NRXN1: variants seen among roughly 807,000 people sequenced by gnomAD.
NRXN1 encodes the protein neurexin-1.
In NRXN1, 39 loss-of-function variants were observed where a neutral mutation model predicts 150.9. The observed-to-expected ratio is 0.26, with a 90% CI of 0.20 to 0.34. The LOEUF (loss-of-function observed/expected upper bound fraction) is 0.34, where lower values mean the gene tolerates loss of function less well. Among genes scored for constraint, NRXN1 ranks in the 10% least tolerant of loss-of-function variants. The probability of loss-of-function intolerance (pLI) is 1.00; values close to 1 mark genes in which losing one functional copy is unlikely to be tolerated. For missense variants in NRXN1, 1,815 were observed against 1,949.9 expected (o/e 0.93, Z 1.30); for synonymous variants, 924 against 757.0 (o/e 1.22, Z -3.62).
At chr2:50,749,579 T>A (rs1027202291) in intron 5 of NRXN1, among the ~76,000 whole-genome samples, 2 of 152,054 alleles carry the variant, frequency 1.3e-5, no homozygotes, top group African/African-American at 4.8e-5. Context: ...GCATCAAATA[T>A]AATGGAGAAC....
At chr2:51,031,656 G>A (rs2105358177) in intron 1 of NRXN1, among the ~76,000 whole-genome samples, 1 of 152,248 alleles carries the variant, frequency 6.6e-6, no homozygotes, top group South Asian at 2.1e-4. Context: ...TGGGCACAGT[G>A]TGGGGCTGAT....
intron 5 of NRXN1, among the ~76,000 whole-genome samples, chr2:50,813,884 C>T (rs1223870984): frequency 6.6e-6 from 1 of 152,234 alleles, no homozygotes; most frequent in South Asian, 2.1e-4. Flanking sequence ...ATTATTATGA[C>T]TTTAACAATA....
At chr2:50,653,670 C>A (rs1685962276) in intron 5 of NRXN1, among the ~76,000 whole-genome samples, 1 of 151,970 alleles carries the variant, frequency 6.6e-6, no homozygotes, top group South Asian at 2.1e-4. Flanking sequence ...TTCAAATGTA[C>A]CTTGATTTAA....
intron 8 of NRXN1, among the ~76,000 whole-genome samples, chr2:50,567,211 G>C (rs191331761): frequency 1.6e-3 from 249 of 152,278 alleles, no homozygotes; most frequent in African/African-American, 5.9e-3. Context: ...GATTTTCTAA[G>C]TTGCCTTGTA....
At position 50,474,229 on chromosome 2, in the gene NRXN1, GAGAA is replaced by G. The variant is rs571339382; in HGVS notation, c.3071-1762_3071-1759del. ...AGGCCATTGTGTTTTAGTTGCCTCAGAGAAAGGATATGAATCAGAAATCAAAGAT... is the reference window on the plus strand; with the variant it reads ...AGGCCATTGTGTTTTAGTTGCCTCAGAGGATATGAATCAGAAATCAAAGAT... On this transcript the variant is annotated intron_variant, in intron 15 of 22. Transcript: ENST00000401669. 2.8e-4 allele frequency among the ~76,000 whole-genome samples: 42 copies of G among 151,936 alleles called. No individual in the cohort carries two copies. In the Middle Eastern group the frequency reaches 0.031, roughly 111 times the overall value.
intron 8 of NRXN1, among the ~76,000 whole-genome samples, chr2:50,609,269 G>A (rs1677636351): frequency 6.6e-6 from 1 of 152,090 alleles, no homozygotes; most frequent in East Asian, 1.9e-4. Flanking sequence ...AGGGGTCAGT[G>A]TAAAATGAAA....
At chr2:50,518,404 G>A (rs2105099978) in intron 12 of NRXN1, among the ~76,000 whole-genome samples, 1 of 151,764 alleles carries the variant, frequency 6.6e-6, no homozygotes, top group East Asian at 1.9e-4. Context: ...GTACTAAATA[G>A]TTCAATTTGC....
intron 8 of NRXN1, among the ~76,000 whole-genome samples, chr2:50,613,571 C>A (rs1678540484): frequency 6.6e-6 from 1 of 152,194 alleles, no homozygotes; most frequent in Admixed American, 6.5e-5. Context: ...TGCATGAGTA[C>A]TTGAGTGAAG....
chr2:49,939,759 C>T (rs1019714358), intron 22 of NRXN1, among the ~76,000 whole-genome samples: 2 of 152,062 alleles, frequency 1.3e-5, no homozygotes, highest in Non-Finnish European at 2.9e-5. Context: ...CTACATTATG[C>T]CAGACATTGC....
intron 9 of NRXN1, among the ~76,000 whole-genome samples, chr2:50,541,460 G>C (rs116053769): frequency 1.3e-5 from 2 of 152,256 alleles, no homozygotes; most frequent in South Asian, 4.1e-4. Flanking sequence ...ATTACAGTTT[G>C]TCTGACAGTA....
intron 21 of NRXN1, among the ~76,000 whole-genome samples, chr2:50,022,295 T>G (rs906840591): frequency 6.6e-6 from 1 of 152,220 alleles, no homozygotes; most frequent in South Asian, 2.1e-4. Flanking sequence ...GGCAATTTTT[T>G]AAAACCTGAT....
chr2:50,496,175 ATTT>A, intron 14 of NRXN1, 80 bp from the exon 15 acceptor site: 1 of 1,126,310 alleles, frequency 8.9e-7, no homozygotes, highest in South Asian at 1.6e-5. Flanking sequence ...ACAAATGGAG[ATTT>A]TTTTTCAGGT....
intron 21 of NRXN1, among the ~76,000 whole-genome samples, chr2:50,046,237 C>T (rs966133667): frequency 6.6e-6 from 1 of 152,110 alleles, no homozygotes; most frequent in African/African-American, 2.4e-5. Flanking sequence ...TGTGTGTAGT[C>T]CTCATGGACC....
intron 21 of NRXN1, among the ~76,000 whole-genome samples, chr2:50,052,804 AT>A (rs1278100133): frequency 1.1e-5 from 1 of 94,522 alleles, no homozygotes; most frequent in African/African-American, 3.5e-5. Context: ...ATGGCTGGCT[AT>A]CAATTCAAAA....
intron 5 of NRXN1, among the ~76,000 whole-genome samples, chr2:50,783,052 C>G (rs1003955069): frequency 6.6e-6 from 1 of 152,046 alleles, no homozygotes; most frequent in East Asian, 1.9e-4. Context: ...TTATCTGTTA[C>G]GTCTATTTCA....
intron 5 of NRXN1, chr2:50,898,678 A>G: frequency 2.5e-6 from 1 of 405,410 alleles, no homozygotes; most frequent in Non-Finnish European, 4.8e-6. Context: ...TAATTTTCCT[A>G]TGAAATTAAT....
At chr2:50,064,403 A>T (rs1695032262) in intron 19 of NRXN1, among the ~76,000 whole-genome samples, 1 of 149,508 alleles carries the variant, frequency 6.7e-6, no homozygotes, top group Non-Finnish European at 1.5e-5. Context: ...CATACACATT[A>T]GCAGAAAAAT....
chr2:50,801,129 C>A (rs188971393), intron 5 of NRXN1, among the ~76,000 whole-genome samples: 1 of 151,830 alleles, frequency 6.6e-6, no homozygotes, highest in African/African-American at 2.4e-5. Context: ...ATTTTTTATG[C>A]AAGTTTATAA....
intron 19 of NRXN1, among the ~76,000 whole-genome samples, chr2:50,088,546 T>G (rs1699119674): frequency 6.6e-6 from 1 of 152,200 alleles, no homozygotes; most frequent in Admixed American, 6.5e-5. Context: ...AAAATACATC[T>G]TGGTAAAAGG....
Sources: gnomAD v4.1 joint callset for allele counts (sites outside exome capture counted in the v4.1 genomes callset) on GRCh38, gnomAD v4.1.1 for gene constraint, MANE v1.5 for transcripts, NCBI Gene and HGNC (gene_info 2026-07-23, HGNC 2026-07-21) for gene names.